GLYATL2: variants seen among roughly 807,000 people sequenced by gnomAD.
GLYATL2 encodes the protein glycine N-acyltransferase-like protein 2.
GLYATL2 carries 25 observed loss-of-function variants against 21.4 expected under a neutral mutation model. That is an observed-to-expected ratio of 1.17 (90% confidence interval 0.85 to 1.63). The LOEUF is 1.63. GLYATL2 is among the 40% of genes most tolerant of loss of function. GLYATL2 has a pLI of 0.00. For synonymous variants in GLYATL2, 114 were observed against 118.2 expected (o/e 0.96, Z 0.23); for missense variants, 361 against 343.3 (o/e 1.05, Z -0.41).
chr11:58,836,960 G>A, intron 5 of GLYATL2, 55 bp downstream of exon 5: 1 of 1,486,000 alleles, frequency 6.7e-7, no homozygotes, highest in Non-Finnish European at 9.3e-7. Context: ...TACAGCCTTT[G>A]TGGCAACTCA....
At chr11:58,837,617 G>A (rs1202501333) in intron 3 of GLYATL2, among the ~76,000 whole-genome samples, 1 of 152,176 alleles carries the variant, frequency 6.6e-6, no homozygotes, top group East Asian at 1.9e-4. Flanking sequence ...CCTTGAGAGG[G>A]TGAGTAAATA....
At chr11:58,874,384 G>T (rs1020989398) in intron 1 of GLYATL2, among the ~76,000 whole-genome samples, 61 of 152,106 alleles carry the variant, frequency 4.0e-4, no homozygotes, top group African/African-American at 1.5e-3. Flanking sequence ...TGATGTTAGG[G>T]TGTCAATTTT....
intron 1 of GLYATL2, among the ~76,000 whole-genome samples, chr11:58,882,631 G>C (rs1220668079): frequency 1.3e-5 from 2 of 152,114 alleles, no homozygotes; most frequent in East Asian, 1.9e-4. Context: ...ATTGCTTTTG[G>C]GGTTTTAGTC....
intron 1 of GLYATL2, among the ~76,000 whole-genome samples, chr11:58,890,422 G>A (rs1426482519): frequency 1.3e-5 from 2 of 151,980 alleles, no homozygotes; most frequent in Non-Finnish European, 2.9e-5. Flanking sequence ...ATCAACCGAG[G>A]TGCCCATCAA....
At chr11:58,890,310 C>T (rs886952789) in intron 1 of GLYATL2, among the ~76,000 whole-genome samples, 5 of 152,082 alleles carry the variant, frequency 3.3e-5, no homozygotes, top group African/African-American at 1.2e-4. Context: ...CCAGCAATGC[C>T]ATTACTAGGT....
At chr11:58,864,646 A>C (rs1418457503) in intron 1 of GLYATL2, among the ~76,000 whole-genome samples, 2 of 148,984 alleles carry the variant, frequency 1.3e-5, no homozygotes, top group African/African-American at 4.9e-5. Context: ...GGTAATGTAA[A>C]CTTGTTCTTC....
intron 1 of GLYATL2, among the ~76,000 whole-genome samples, chr11:58,877,399 T>C (rs560246350): frequency 6.6e-6 from 1 of 152,338 alleles, no homozygotes; most frequent in African/African-American, 2.4e-5. Context: ...GCTGTTCCTT[T>C]TCAGCCATCT....
intron 1 of GLYATL2, among the ~76,000 whole-genome samples, chr11:58,882,065 G>C (rs1366180825): frequency 6.6e-6 from 1 of 152,152 alleles, no homozygotes; most frequent in South Asian, 2.1e-4. Context: ...CTTTATAGTA[G>C]CATGATTTAT....
intron 1 of GLYATL2, among the ~76,000 whole-genome samples, chr11:58,868,277 T>A (rs927698489): frequency 1.9e-4 from 29 of 148,900 alleles, no homozygotes; most frequent in African/African-American, 7.0e-4. Context: ...ATTTGTTTTA[T>A]ATGAATTTCT....
rs139408430 is a variant in GLYATL2 at position 58,865,635 on chromosome 11, T to G, written n.61-27267A>C. On this transcript the variant is annotated intron_variant and non_coding_transcript_variant, in intron 1 of 4. Transcript: ENST00000533636. ...TTTCCAGGACTTAGTTTCTTGAGAC[T>G]AGACAATCTCTAATAAACCTCCTAT... 5.5e-4 allele frequency among the ~76,000 whole-genome samples: 82 copies of G among 149,192 alleles called. 1 individual carries two copies. Among genetic ancestry groups the G allele is most frequent in the African/African-American group, 1.9e-3 (77 of 41,370 alleles).
intron 1 of GLYATL2, among the ~76,000 whole-genome samples, chr11:58,889,357 T>G (rs1228593615): frequency 6.6e-6 from 1 of 152,026 alleles, no homozygotes; most frequent in Non-Finnish European, 1.5e-5. Context: ...ATTTGCTGCT[T>G]CTTTGCCAAT....
At chr11:58,865,399 A>G (rs1276770644) in intron 1 of GLYATL2, among the ~76,000 whole-genome samples, 1 of 149,212 alleles carries the variant, frequency 6.7e-6, no homozygotes, top group East Asian at 2.2e-4. Context: ...CCAGGCTAGA[A>G]GGAGAGAAAA....
intron 1 of GLYATL2, among the ~76,000 whole-genome samples, chr11:58,852,312 C>G (rs1853756316): frequency 6.6e-6 from 1 of 152,138 alleles, no homozygotes; most frequent in Admixed American, 6.5e-5. Context: ...GAAGAATTTG[C>G]TATTACCAGG....
chr11:58,873,780 T>G (rs900183626), intron 1 of GLYATL2, among the ~76,000 whole-genome samples: 3 of 152,222 alleles, frequency 2.0e-5, no homozygotes, highest in Non-Finnish European at 4.4e-5. Flanking sequence ...GGCTTTGGTA[T>G]CAGGATGATG....
At chr11:58,856,550 A>G (rs931383552) in intron 1 of GLYATL2, among the ~76,000 whole-genome samples, 1 of 152,156 alleles carries the variant, frequency 6.6e-6, no homozygotes, top group Non-Finnish European at 1.5e-5. Context: ...AAAATGAAAG[A>G]CTCATGACTC....
chr11:58,836,573 A>C (rs1305973746), intron 5 of GLYATL2, among the ~76,000 whole-genome samples: 1 of 151,668 alleles, frequency 6.6e-6, no homozygotes, highest in African/African-American at 2.4e-5. Context: ...TAAAGTGTGT[A>C]TGTGTTGTAA....
intron 1 of GLYATL2, among the ~76,000 whole-genome samples, chr11:58,891,507 A>G (rs1854543183): frequency 6.6e-6 from 1 of 152,186 alleles, no homozygotes; most frequent in Admixed American, 6.5e-5. Flanking sequence ...GTTGGTATTC[A>G]CTAAAGTATC....
chr11:58,880,855 G>T (rs1188651407), intron 1 of GLYATL2, among the ~76,000 whole-genome samples: 1 of 152,148 alleles, frequency 6.6e-6, no homozygotes, highest in Non-Finnish European at 1.5e-5. Context: ...TAACTTTGAG[G>T]ACTTTGACCT....
At chr11:58,883,514 CAAG>C (rs1281451824) in intron 1 of GLYATL2, among the ~76,000 whole-genome samples, 2 of 151,974 alleles carry the variant, frequency 1.3e-5, no homozygotes, top group Non-Finnish European at 2.9e-5. Flanking sequence ...AAGACTAAAC[CAAG>C]AAGAAGTTGA....
Sources: gnomAD v4.1 joint callset for allele counts (sites outside exome capture counted in the v4.1 genomes callset) on GRCh38, gnomAD v4.1.1 for gene constraint, MANE v1.5 for transcripts, NCBI Gene and HGNC (gene_info 2026-07-23, HGNC 2026-07-21) for gene names.